Variants in DMD observed in about 807,000 individuals in gnomAD.
DMD encodes the protein dystrophin, also known as mutant dystrophin.
Under a neutral mutation model 330.1 loss-of-function variants are expected in DMD, and 63 were observed. That is an observed-to-expected ratio of 0.19 (90% confidence interval 0.16 to 0.24). The LOEUF is 0.24. Ranked by LOEUF, DMD falls within the 10% of genes least tolerant of loss-of-function variation. The pLI is 1.00. For missense variants in DMD, 3,344 were observed against 2,684.1 expected (o/e 1.25, Z -5.43); for synonymous variants, 1,223 against 959.8 (o/e 1.27, Z -5.07).
At chrX:32,076,067 AAAAAAAAAAAAAAAAAAAAAGAG>A (rs1281691969) in intron 44 of DMD, among the ~76,000 whole-genome samples, 1 of 92,998 alleles carries the variant, frequency 1.1e-5, no homozygotes, top group African/African-American at 4.0e-5. Flanking sequence ...AAAAAAAAAA[AAAAAAAAAAAAAAAAAAAAAGAG>A]AGAGAGAGAG....
At chrX:33,061,891 TA>T (rs764794140) in intron 1 of DMD, among the ~76,000 whole-genome samples, 16 of 111,408 alleles carry the variant, frequency 1.4e-4, no homozygotes, top group Non-Finnish European at 2.4e-4. Flanking sequence ...CCCTTTTACT[TA>T]AAACTCTTTT....
intron 1 of DMD, among the ~76,000 whole-genome samples, chrX:33,336,541 T>C (rs1160410104): frequency 1.8e-5 from 2 of 110,985 alleles, no homozygotes; most frequent in Non-Finnish European, 1.9e-5. Flanking sequence ...TAAAAAATAA[T>C]GATGCTCAAT....
chrX:32,016,667 G>T (rs2095763403), intron 44 of DMD, among the ~76,000 whole-genome samples: 2 of 112,420 alleles, frequency 1.8e-5, no homozygotes, highest in African/African-American at 6.5e-5. Context: ...TCTTCCAAAT[G>T]TAGTGTTTAT....
chrX:32,783,222 G>A lies in DMD; in HGVS notation c.649+26271C>T, dbSNP rs866840369. Among the ~76,000 whole-genome samples, 11 of 93,040 alleles carry A rather than the reference G, an allele frequency of 1.2e-4. No homozygotes were observed. In the East Asian group the frequency reaches 1.7e-3, roughly 14 times the overall value. 80.8% of individuals were successfully genotyped at this position (93,040 alleles called of 115,157 possible). A position where few individuals can be genotyped will look rare whatever the true frequency, so the allele number is the denominator to read the frequency against. ...TACATATACACATATGTGTATATAC[G>A]TGTATACGTATATACACATATGTGT... is the stretch of plus-strand genomic sequence containing the variant. On this transcript the variant is annotated intron_variant, in intron 7 of 78. Coordinates refer to ENST00000357033, the MANE Select transcript of DMD (RefSeq NM_004006.3).
chrX:32,448,868 C>A (rs181058942), intron 26 of DMD, among the ~76,000 whole-genome samples: 3 of 110,356 alleles, frequency 2.7e-5, no homozygotes, highest in Non-Finnish European at 5.7e-5. Context: ...CAAGAATAGA[C>A]TGAAAAGTAG....
intron 21 of DMD, among the ~76,000 whole-genome samples, chrX:32,478,285 C>G (rs1270950675): frequency 9.0e-6 from 1 of 111,672 alleles, no homozygotes; most frequent in Non-Finnish European, 1.9e-5. Flanking sequence ...TGTGAAGAAG[C>G]TGAACTAATG....
At chrX:31,867,093 T>G (rs1407825208) in intron 48 of DMD, among the ~76,000 whole-genome samples, 1 of 107,215 alleles carries the variant, frequency 9.3e-6, no homozygotes. Flanking sequence ...CATATTTTGA[T>G]ATATATATAT....
At chrX:31,444,734 C>G (rs2065164141) in intron 59 of DMD, 107 bp from the exon 60 acceptor site, 1 of 866,713 alleles carries the variant, frequency 1.2e-6, no homozygotes, top group Non-Finnish European at 1.7e-6. Context: ...AATGTTTGCT[C>G]TATGCTACGG....
intron 51 of DMD, among the ~76,000 whole-genome samples, chrX:31,730,557 C>T (rs2086428038): frequency 9.0e-6 from 1 of 110,712 alleles, no homozygotes; most frequent in South Asian, 3.8e-4. Context: ...TCCCTTTCTT[C>T]AGTGTCTATT....
chrX:33,043,242 T>C (rs927751702), intron 1 of DMD, among the ~76,000 whole-genome samples: 22 of 111,372 alleles, frequency 2.0e-4, no homozygotes, highest in African/African-American at 7.2e-4. Context: ...GTGGGAACAT[T>C]TTAGAATTCC....
At chrX:32,422,292 C>T (rs763463006) in intron 29 of DMD, among the ~76,000 whole-genome samples, 1 of 111,444 alleles carries the variant, frequency 9.0e-6, no homozygotes, top group South Asian at 3.8e-4. Flanking sequence ...TTTCCAAATA[C>T]AGTTCTCAGC....
chrX:32,192,925 A>C (rs1233183561), intron 44 of DMD, among the ~76,000 whole-genome samples: 1 of 111,992 alleles, frequency 8.9e-6, no homozygotes, highest in East Asian at 2.8e-4. Flanking sequence ...CTCATCTTGA[A>C]ATGTAATTCC....
chrX:32,957,943 C>T (rs1323278617), intron 2 of DMD, among the ~76,000 whole-genome samples: 1 of 111,991 alleles, frequency 8.9e-6, no homozygotes, highest in Admixed American at 9.5e-5. Flanking sequence ...TAGCCAATGT[C>T]TGTAAACATA....
chrX:32,487,350 G>C (rs2042583615), intron 20 of DMD, among the ~76,000 whole-genome samples: 1 of 110,738 alleles, frequency 9.0e-6, no homozygotes. Context: ...TATATATGCT[G>C]TCTTTAGAAA....
rs980475233 is a variant in DMD at position 32,537,267 on chromosome X, T to G, written c.2168+7892A>C. On this transcript the variant is annotated intron_variant, in intron 17 of 78. Transcript: ENST00000357033. The stretch of plus-strand genomic sequence containing the variant: ...TATAAGCATTTGAATTATACAGGGA[T>G]GAACATCAGGAGAGAGGGAGAGGTA... Among the ~76,000 whole-genome samples, 22 of 111,322 alleles carry G rather than the reference T, an allele frequency of 2.0e-4. 1 individual carries two copies. Among genetic ancestry groups the G allele is most frequent in the Admixed American group, 1.9e-3 (20 of 10,428 alleles).
chrX:32,328,270 A>G (rs1358700729), intron 41 of DMD, among the ~76,000 whole-genome samples: 1 of 112,071 alleles, frequency 8.9e-6, no homozygotes. Flanking sequence ...TGAGTTCTTT[A>G]TATCACCAAA....
At chrX:31,659,841 T>C (rs1603442007) in intron 53 of DMD, among the ~76,000 whole-genome samples, 1 of 110,500 alleles carries the variant, frequency 9.0e-6, no homozygotes. Context: ...TAAGAATACA[T>C]AATCATGAGC....
rs187084115 is a variant in DMD, at chrX:32,792,682, A to G, written c.649+16811T>C. ...GAAGCAGCAGCTATGCTTACATAAAACAGACTTTCAGTCAAAAACAGTAAA... is the reference window on the plus strand; with the variant it reads ...GAAGCAGCAGCTATGCTTACATAAAGCAGACTTTCAGTCAAAAACAGTAAA... On this transcript the variant is annotated intron_variant, in intron 7 of 78. Coordinates refer to ENST00000357033, the MANE Select transcript of DMD (RefSeq NM_004006.3). Among the ~76,000 whole-genome samples, 189 of 112,556 alleles carry G rather than the reference A, an allele frequency of 1.7e-3. 3 individuals carry two copies. Among genetic ancestry groups the G allele is most frequent in the African/African-American group, 6.0e-3 (185 of 31,064 alleles).
At chrX:31,699,272 T>C (rs927129477) in intron 52 of DMD, among the ~76,000 whole-genome samples, 1 of 112,241 alleles carries the variant, frequency 8.9e-6, no homozygotes, top group African/African-American at 3.2e-5. Context: ...TTTTCAGCTC[T>C]AACAGTTTGT....
Sources: gnomAD v4.1 joint callset for allele counts (sites outside exome capture counted in the v4.1 genomes callset) on GRCh38, gnomAD v4.1.1 for gene constraint, MANE v1.5 for transcripts, NCBI Gene and HGNC (gene_info 2026-07-23, HGNC 2026-07-21) for gene names.